The following CYB5R4 variants were observed in gnomAD, a reference collection of about 807,000 sequenced individuals.
The protein encoded by CYB5R4 is cytochrome b5 reductase 4, also known as N-terminal cytochrome b5 and cytochrome b5 oxidoreductase domain-containing protein.
In CYB5R4, 55 loss-of-function variants were observed where a neutral mutation model predicts 70.2. The ratio of observed to expected loss-of-function variants is 0.78; its 90% CI spans 0.63 to 0.98. CYB5R4 has a LOEUF of 0.98. CYB5R4 is among the 50% of genes least tolerant of loss of function. CYB5R4 has a pLI of 0.00. For synonymous variants in CYB5R4, 197 were observed against 199.5 expected (o/e 0.99, Z 0.11); for missense variants, 562 against 612.6 (o/e 0.92, Z 0.87).
chr6:83,933,212 G>A (rs142186999), intron 10 of CYB5R4, among the ~76,000 whole-genome samples: 14 of 152,226 alleles, frequency 9.2e-5, no homozygotes, highest in African/African-American at 2.2e-4. Context: ...GCTCTTAGCC[G>A]TAATCTGGTC....
chr6:83,875,626 G>A (rs972325859), intron 2 of CYB5R4, among the ~76,000 whole-genome samples: 14 of 152,176 alleles, frequency 9.2e-5, no homozygotes, highest in African/African-American at 3.4e-4. Context: ...TGAAAGTACA[G>A]CTACTCCATA....
rs553313394 is a variant in CYB5R4, at chr6:83,961,054, T to C, written c.*1176T>C. On this transcript the variant is annotated 3_prime_UTR_variant, in exon 16 of 16. Transcript: ENST00000369681. ...TCCAATTTCTCTGTAAATGATTTTG[T>C]AAACAGCTAAATCTTTGCTGAATGA... 3 of 152,310 alleles carry C rather than the reference T, an allele frequency of 2.0e-5. No individual in the cohort carries two copies. In the South Asian group the frequency reaches 6.2e-4, roughly 32 times the overall value. 9.4% of individuals were successfully genotyped at this position (152,310 alleles called of 1,614,324 possible).
intron 2 of CYB5R4, among the ~76,000 whole-genome samples, chr6:83,886,174 C>T (rs1367058563): frequency 6.6e-6 from 1 of 152,142 alleles, no homozygotes; most frequent in Non-Finnish European, 1.5e-5. Flanking sequence ...GGTAAGGGGG[C>T]TGAGCATGCA....
intron 10 of CYB5R4, among the ~76,000 whole-genome samples, chr6:83,930,932 C>T (rs2099468045): frequency 6.6e-6 from 1 of 152,178 alleles, no homozygotes; most frequent in Admixed American, 6.6e-5. Context: ...GTAGCTTCCT[C>T]ACCTCTCTCA....
chr6:83,902,064 T>C (rs1324531304), intron 3 of CYB5R4, among the ~76,000 whole-genome samples: 2 of 152,312 alleles, frequency 1.3e-5, no homozygotes, highest in South Asian at 2.1e-4. Context: ...TTGTCTGTGC[T>C]TTTGAGGTCT....
intron 7 of CYB5R4, among the ~76,000 whole-genome samples, chr6:83,919,930 G>A (rs1156552758): frequency 1.3e-5 from 2 of 152,066 alleles, no homozygotes; most frequent in African/African-American, 2.4e-5. Flanking sequence ...CACTAATGGT[G>A]TTCAGATGCC....
Position 83,884,438 on chromosome 6 carries a change from A to G in CYB5R4, c.230-9084A>G, listed in dbSNP as rs542847728. Among the ~76,000 whole-genome samples, 8 of 152,270 alleles carry G rather than the reference A, an allele frequency of 5.3e-5. No individual in the cohort carries two copies. The East Asian group carries it at 1.3e-3, about 26-fold the overall frequency. ...AGGCAAAGAATCTTACCAGAGGTAT[A>G]GACATTTTATAATGATAAAAAGGGT... On this transcript the variant is annotated intron_variant, in intron 2 of 15. Coordinates refer to ENST00000369681, the MANE Select transcript of CYB5R4 (RefSeq NM_016230.4).
chr6:83,914,967 A>G (rs763045036), intron 5 of CYB5R4, among the ~76,000 whole-genome samples: 1 of 152,004 alleles, frequency 6.6e-6, no homozygotes, highest in Non-Finnish European at 1.5e-5. Flanking sequence ...ACATCCCTGA[A>G]TACATGTTAT....
intron 3 of CYB5R4, among the ~76,000 whole-genome samples, chr6:83,905,766 G>GT (rs2099463660): frequency 6.6e-6 from 1 of 152,102 alleles, no homozygotes; most frequent in Non-Finnish European, 1.5e-5. Flanking sequence ...TGGGCAGGTG[G>GT]TGTGGCATGG....
intron 4 of CYB5R4, among the ~76,000 whole-genome samples, chr6:83,910,498 A>G (rs996121786): frequency 1.3e-5 from 2 of 152,198 alleles, no homozygotes; most frequent in Non-Finnish European, 2.9e-5. Context: ...TTTAAGGGAA[A>G]GGTAATTAAA....
rs944678355 is a variant in CYB5R4, at chr6:83,964,556, A to G, written c.*4678A>G. 6.6e-6 allele frequency: 1 copy of G among 152,272 alleles called. No homozygotes were observed. 9.4% of individuals were successfully genotyped at this position (152,272 alleles called of 1,614,324 possible). A position where few individuals can be genotyped will look rare whatever the true frequency, so the allele number is the denominator to read the frequency against. ...TAAAGGCATTCAGTTTTAAAAGGGA[A>G]GCAGAGCATTAAAATTCAGAAAATT... On this transcript the variant is annotated 3_prime_UTR_variant, in exon 16 of 16. Coordinates refer to ENST00000369681, the MANE Select transcript of CYB5R4 (RefSeq NM_016230.4).
chr6:83,884,705 A>T (rs1194070977), intron 2 of CYB5R4, among the ~76,000 whole-genome samples: 1 of 152,180 alleles, frequency 6.6e-6, no homozygotes, highest in Non-Finnish European at 1.5e-5. Context: ...ACAGTGAAAT[A>T]TGCCATAATT....
intron 3 of CYB5R4, among the ~76,000 whole-genome samples, chr6:83,897,438 G>T (rs1002322436): frequency 2.6e-5 from 4 of 152,164 alleles, no homozygotes; most frequent in African/African-American, 9.7e-5. Flanking sequence ...GGGTCAAATG[G>T]TAATTCTAGT....
At position 83,896,865 on chromosome 6, in the gene CYB5R4, G is replaced by A. The variant is rs144616526; in HGVS notation, c.330+3243G>A. On this transcript the variant is annotated intron_variant, in intron 3 of 15. Transcript: ENST00000369681. ...AATCTCCATACTGTTTTCCATAATG[G>A]TTGTACTAATTTACATTCCCAACAA... Among the ~76,000 whole-genome samples, 656 of 151,516 alleles carry A rather than the reference G, an allele frequency of 4.3e-3. 5 individuals carry two copies. The highest frequency in any genetic ancestry group is 0.014 in the African/African-American group (598 of 41,364).
chr6:83,934,685 A>T lies in CYB5R4; in HGVS notation c.905A>T (p.His302Leu). The T allele has an allele frequency of 6.2e-7, 1 of 1,613,806 alleles. No individual in the cohort carries two copies. The highest frequency in any genetic ancestry group is 1.3e-5 in the African/African-American group (1 of 75,046). The change falls in exon 11 of 16, where the codon CAT becomes CTT. Residue 302 changes from histidine (H) to leucine (L), a missense_variant. His to Leu is a moderately conservative substitution (Grantham distance 99). Transcript: ENST00000369681. ...TGTTTGATGCTGCCACCAAGCACTC[A>T]TCTTCAAGTGCCCATTGGGCAACAT... ...LFCLMLPPST[H>L]LQVPIGQHVY...
In CYB5R4 at chr6:83,920,322, A is replaced by G. The variant is rs2099466175; in HGVS notation, c.565-760A>G. 2.0e-5 allele frequency among the ~76,000 whole-genome samples: 3 copies of G among 152,096 alleles called. No homozygotes were observed. In the South Asian group the frequency reaches 6.2e-4, roughly 32 times the overall value. On this transcript the variant is annotated intron_variant, in intron 7 of 15. Transcript: ENST00000369681. ...CTCATTCTTGCAGCATGATTTGGTCATTCTGCAGGAGTGACCAGCCTCTGC... is the reference window on the plus strand; with the variant it reads ...CTCATTCTTGCAGCATGATTTGGTCGTTCTGCAGGAGTGACCAGCCTCTGC...
intron 15 of CYB5R4, among the ~76,000 whole-genome samples, 165 bp downstream of exon 15, chr6:83,955,627 G>C (rs1360790553): frequency 6.6e-6 from 1 of 152,118 alleles, no homozygotes; most frequent in Non-Finnish European, 1.5e-5. Context: ...TGAGTTGGAG[G>C]CCAGGATTAT....
chr6:83,924,511 C>CA lies in CYB5R4; in HGVS notation c.741dup (p.Glu248ArgfsTer16), dbSNP rs745836350. 25 of 1,611,280 alleles carry CA rather than the reference C, an allele frequency of 1.6e-5. No individual in the cohort carries two copies. The highest frequency in any genetic ancestry group is 5.4e-5 in the African/African-American group (4 of 74,658). On this transcript the variant is annotated frameshift_variant, in exon 10 of 16. Transcript: ENST00000369681. LOFTEE classifies it high-confidence loss of function. ...TGTGGGAAAAATAGAGATTGTTCTACAAAAAAAAGAGAATACTTCTTGGGA... is the reference window on the plus strand; with the variant it reads ...TGTGGGAAAAATAGAGATTGTTCTACAAAAAAAAAGAGAATACTTCTTGGGA...
At chr6:83,864,060 G>A (rs763770672) in intron 1 of CYB5R4, 115 bp from the exon 2 acceptor site, 7 of 922,840 alleles carry the variant, frequency 7.6e-6, no homozygotes, top group South Asian at 4.0e-5. Flanking sequence ...AATGTTGACA[G>A]CCTCTTAAAA....
Sources: gnomAD v4.1 joint callset for allele counts (sites outside exome capture counted in the v4.1 genomes callset) on GRCh38, gnomAD v4.1.1 for gene constraint, MANE v1.5 for transcripts, NCBI Gene and HGNC (gene_info 2026-07-23, HGNC 2026-07-21) for gene names.